Variants in FOXN3 observed in about 807,000 individuals in gnomAD.
FOXN3 encodes the protein forkhead box N3.
FOXN3 carries 7 observed loss-of-function variants against 38.4 expected under a neutral mutation model. That is an observed-to-expected ratio of 0.18 (90% CI 0.10 to 0.34). FOXN3 has a LOEUF of 0.34. Among genes scored for constraint, FOXN3 ranks in the 10% least tolerant of loss-of-function variants. The probability of loss-of-function intolerance (pLI) is 1.00; values close to 1 mark genes in which losing one functional copy is unlikely to be tolerated. For missense variants in FOXN3, 456 were observed against 613.4 expected (o/e 0.74, Z 2.71); for synonymous variants, 230 against 242.2 (o/e 0.95, Z 0.47).
intron 1 of FOXN3, among the ~76,000 whole-genome samples, chr14:89,428,114 T>C (rs543368043): frequency 6.6e-6 from 1 of 152,370 alleles, no homozygotes; most frequent in Admixed American, 6.5e-5. Flanking sequence ...GATTCTTCTC[T>C]CTACGAGAGT....
intron 2 of FOXN3, among the ~76,000 whole-genome samples, chr14:89,384,135 ACTT>A (rs1890732709): frequency 6.6e-6 from 1 of 152,116 alleles, no homozygotes; most frequent in Non-Finnish European, 1.5e-5. Flanking sequence ...TGTTAAACAG[ACTT>A]CTTCTCTGAT....
At chr14:89,441,408 T>G (rs534231484) in intron 1 of FOXN3, among the ~76,000 whole-genome samples, 1 of 152,218 alleles carries the variant, frequency 6.6e-6, no homozygotes, top group Admixed American at 6.5e-5. Context: ...AGGATGAAAC[T>G]GAAAGGTGAT....
At chr14:89,273,278 G>A (rs949384142) in intron 4 of FOXN3, among the ~76,000 whole-genome samples, 1 of 152,138 alleles carries the variant, frequency 6.6e-6, no homozygotes, top group Non-Finnish European at 1.5e-5. Context: ...CAGTTACCCT[G>A]AAACATGAGA....
intron 1 of FOXN3, among the ~76,000 whole-genome samples, chr14:89,506,109 G>A (rs1375375776): frequency 3.6e-5 from 5 of 140,148 alleles, no homozygotes; most frequent in Non-Finnish European, 4.7e-5. Flanking sequence ...CGCCCCGTCC[G>A]GGAGGTGAGG....
At chr14:89,325,267 AT>A (rs1369265655) in intron 3 of FOXN3, among the ~76,000 whole-genome samples, 5 of 144,824 alleles carry the variant, frequency 3.5e-5, no homozygotes, top group Non-Finnish European at 4.6e-5. Context: ...CACCACCACC[AT>A]CACCAACACC....
chr14:89,415,474 G>A (rs2140100214), intron 1 of FOXN3, among the ~76,000 whole-genome samples: 1 of 151,934 alleles, frequency 6.6e-6, no homozygotes, highest in African/African-American at 2.4e-5. Context: ...TCATGTGTGC[G>A]TTTTGTGCTG....
rs1481298307 is a variant in FOXN3, at chr14:89,191,973, T to TATATATATATATATAA, written c.746-11168_746-11167insTTATATATATATATAT. On this transcript the variant is annotated intron_variant, in intron 4 of 5. Coordinates refer to ENST00000557258, the MANE Select transcript of FOXN3 (RefSeq NM_005197.4). ...GTATATATATATATACACATATATA[T>TATATATATATATATAA]AACTATAATATATAATATATATTAG... Among the ~76,000 whole-genome samples the TATATATATATATATAA allele has an allele frequency of 1.7e-3, 226 of 135,138 alleles. 6 individuals are homozygous for TATATATATATATATAA. Among genetic ancestry groups the TATATATATATATATAA allele is most frequent in the African/African-American group, 6.6e-3 (208 of 31,656 alleles). 88.7% of individuals were successfully genotyped at this position (135,138 alleles called of 152,430 possible). A position where few individuals can be genotyped will look rare whatever the true frequency, so the allele number is the denominator to read the frequency against.
intron 1 of FOXN3, among the ~76,000 whole-genome samples, chr14:89,570,070 G>C (rs934990884): frequency 6.6e-6 from 1 of 150,732 alleles, no homozygotes; most frequent in African/African-American, 2.4e-5. Flanking sequence ...GCGCAATCTC[G>C]GCTCACTGCA....
intron 2 of FOXN3, among the ~76,000 whole-genome samples, chr14:89,393,087 G>A (rs1488486926): frequency 2.6e-5 from 4 of 151,936 alleles, no homozygotes; most frequent in Non-Finnish European, 5.9e-5. Context: ...TTACAGGCAT[G>A]AGCCACCGTG....
intron 1 of FOXN3, among the ~76,000 whole-genome samples, chr14:89,543,434 A>G (rs1894828381): frequency 6.6e-6 from 1 of 152,162 alleles, no homozygotes; most frequent in South Asian, 2.1e-4. Context: ...GAAGCCAGAA[A>G]CACGGTGCTG....
At chr14:89,618,305 T>C (rs1004713176) in intron 1 of FOXN3, among the ~76,000 whole-genome samples, 1 of 152,194 alleles carries the variant, frequency 6.6e-6, no homozygotes, top group African/African-American at 2.4e-5. Context: ...AAAGATTGCA[T>C]TTCCCTTCCC....
intron 1 of FOXN3, among the ~76,000 whole-genome samples, chr14:89,552,762 G>C (rs1042662597): frequency 6.6e-6 from 1 of 152,122 alleles, no homozygotes; most frequent in South Asian, 2.1e-4. Context: ...TGGAGGCTGA[G>C]ACAGGAGAAT....
At chr14:89,491,575 TGGAAAGAAACTCAAA>T (rs1893576782) in intron 1 of FOXN3, among the ~76,000 whole-genome samples, 2 of 152,184 alleles carry the variant, frequency 1.3e-5, no homozygotes, top group Non-Finnish European at 2.9e-5. Context: ...GACGAGAAGC[TGGAAAGAAACTCAAA>T]GTGGAAAGCC....
chr14:89,583,222 C>T (rs547657828), intron 1 of FOXN3, among the ~76,000 whole-genome samples: 11 of 152,264 alleles, frequency 7.2e-5, no homozygotes, highest in Admixed American at 7.2e-4. Context: ...ATTGCTATGG[C>T]TTGAATGTTT....
chr14:89,176,004 G>T (rs1369420371), intron 5 of FOXN3, among the ~76,000 whole-genome samples: 1 of 152,078 alleles, frequency 6.6e-6, no homozygotes, highest in African/African-American at 2.4e-5. Context: ...CTCTGCAAGG[G>T]ATTTTCCTGG....
At chr14:89,191,867 T>C (rs1887953265) in intron 4 of FOXN3, among the ~76,000 whole-genome samples, 1 of 150,262 alleles carries the variant, frequency 6.7e-6, no homozygotes, top group Non-Finnish European at 1.5e-5. Context: ...AAGTACATTA[T>C]ATGAGAAACA....
At chr14:89,383,664 C>T (rs1167822903) in intron 2 of FOXN3, among the ~76,000 whole-genome samples, 1 of 151,966 alleles carries the variant, frequency 6.6e-6, no homozygotes, top group African/African-American at 2.4e-5. Flanking sequence ...CCCCACGTAT[C>T]TGTTTCCTTT....
chr14:89,451,497 G>A (rs186373419), intron 1 of FOXN3, among the ~76,000 whole-genome samples: 2 of 152,302 alleles, frequency 1.3e-5, no homozygotes, highest in Admixed American at 6.5e-5. Flanking sequence ...AGGCTTTCCT[G>A]AGACTGGCCT....
intron 4 of FOXN3, among the ~76,000 whole-genome samples, chr14:89,272,576 G>A (rs2182474): frequency 0.16 from 24,539 of 152,116 alleles, 2,214 homozygotes; most frequent in East Asian, 0.3. Context: ...ATTAAGCTGC[G>A]AGCGGTGGCT....
Sources: gnomAD v4.1 joint callset for allele counts (sites outside exome capture counted in the v4.1 genomes callset) on GRCh38, gnomAD v4.1.1 for gene constraint, MANE v1.5 for transcripts, NCBI Gene and HGNC (gene_info 2026-07-23, HGNC 2026-07-21) for gene names.